Variants in FER observed in about 807,000 individuals in gnomAD.
The protein encoded by FER is FER tyrosine kinase, also known as tyrosine-protein kinase Fer.
Under a neutral mutation model 111.0 loss-of-function variants are expected in FER, and 63 were observed. The ratio of observed to expected loss-of-function variants is 0.57; its 90% CI spans 0.46 to 0.70. The LOEUF is 0.70. FER is among the 30% of genes least tolerant of loss of function. The pLI, the probability that FER is intolerant of heterozygous loss-of-function variation, is 0.00. For synonymous variants in FER, 327 were observed against 313.9 expected, an observed-to-expected ratio of 1.04 and a Z score of -0.44; for missense variants, 914 against 954.0, an observed-to-expected ratio of 0.96 and a Z score of 0.55.
intron 13 of FER, among the ~76,000 whole-genome samples, chr5:109,015,878 A>G (rs1294648921): frequency 6.6e-6 from 1 of 151,852 alleles, no homozygotes; most frequent in Non-Finnish European, 1.5e-5. Flanking sequence ...ATTCCCCTCC[A>G]TACTCCGAAG....
chr5:108,976,940 G>A (rs1761430134), intron 13 of FER, among the ~76,000 whole-genome samples: 1 of 152,076 alleles, frequency 6.6e-6, no homozygotes, highest in African/African-American at 2.4e-5. Context: ...CTTTATGTGG[G>A]TCCCATGGTG....
At chr5:108,895,058 A>G (rs978326906) in intron 9 of FER, among the ~76,000 whole-genome samples, 13 of 152,140 alleles carry the variant, frequency 8.5e-5, no homozygotes, top group Admixed American at 6.6e-5. Context: ...TAAAAATTAT[A>G]CAAATGTTTT....
At chr5:108,863,994 C>T (rs1339474963) in intron 5 of FER, among the ~76,000 whole-genome samples, 2 of 152,082 alleles carry the variant, frequency 1.3e-5, no homozygotes, top group East Asian at 3.9e-4. Context: ...ACATGTTTCT[C>T]TTCAGCAGTG....
At position 108,855,514 on chromosome 5, in the gene FER, G is replaced by C. The variant is rs557071095; in HGVS notation, c.482-12253G>C. ...TGGGCGCCTGTAGTCCCAGCTACTC[G>C]GGAGGCTGAGGCAGGAGAATGGCGT... is the stretch of plus-strand genomic sequence containing the variant. On this transcript the variant is annotated intron_variant, in intron 5 of 19. Coordinates refer to ENST00000281092, the MANE Select transcript of FER (RefSeq NM_005246.4). Among the ~76,000 whole-genome samples, 925 of 151,498 alleles carry C rather than the reference G, an allele frequency of 6.1e-3. 15 individuals are homozygous for C. The highest frequency in any genetic ancestry group is 0.022 in the African/African-American group (891 of 41,284).
intron 17 of FER, among the ~76,000 whole-genome samples, chr5:109,157,556 A>G (rs373839985): frequency 4.0e-5 from 6 of 151,890 alleles, no homozygotes; most frequent in African/African-American, 1.2e-4. Context: ...ACTGTTCCCT[A>G]ATGAGTCTGC....
intron 10 of FER, among the ~76,000 whole-genome samples, chr5:108,899,963 G>A (rs1749771227): frequency 6.6e-6 from 1 of 152,160 alleles, no homozygotes; most frequent in African/African-American, 2.4e-5. Flanking sequence ...CTGCTCTCGT[G>A]TCCATTAATT....
rs1385366208 is a variant in FER, at chr5:108,826,704, T to C, written c.208-6066T>C. Reference sequence around the variant, plus strand: ...ATTCTTCTATAAATGTTTTGTAGAATTCACTAATGAATCAAACAAAGGTCT... The same window carrying C: ...ATTCTTCTATAAATGTTTTGTAGAACTCACTAATGAATCAAACAAAGGTCT... On this transcript the variant is annotated intron_variant, in intron 3 of 19. Transcript: ENST00000281092. 2.0e-5 allele frequency among the ~76,000 whole-genome samples: 3 copies of C among 152,242 alleles called. No individual in the cohort carries two copies. The East Asian group carries it at 5.8e-4, about 29-fold the overall frequency.
chr5:108,813,233 TG>T (rs1340069977), intron 3 of FER, among the ~76,000 whole-genome samples: 1 of 152,194 alleles, frequency 6.6e-6, no homozygotes. Flanking sequence ...AAGATGTTGC[TG>T]TATTATCATC....
chr5:108,967,305 G>C (rs527518701), intron 13 of FER, among the ~76,000 whole-genome samples: 3 of 152,298 alleles, frequency 2.0e-5, no homozygotes, highest in East Asian at 3.9e-4. Context: ...GAGGGGACAT[G>C]AGAGTGGTCA....
At chr5:109,161,224 A>G (rs568341192) in intron 17 of FER, among the ~76,000 whole-genome samples, 11 of 152,236 alleles carry the variant, frequency 7.2e-5, no homozygotes, top group South Asian at 2.1e-4. Flanking sequence ...TCTGTAAGTA[A>G]TATTTGTAGA....
At chr5:109,118,457 C>G (rs1233161725) in intron 17 of FER, among the ~76,000 whole-genome samples, 1 of 152,036 alleles carries the variant, frequency 6.6e-6, no homozygotes, top group Non-Finnish European at 1.5e-5. Flanking sequence ...GGATATTGGT[C>G]TAAAATTCTC....
At chr5:109,000,652 T>A (rs1234293865) in intron 13 of FER, among the ~76,000 whole-genome samples, 3 of 151,456 alleles carry the variant, frequency 2.0e-5, no homozygotes, top group Non-Finnish European at 2.9e-5. Flanking sequence ...ATAACTAAGA[T>A]CAGAGCAGAA....
At chr5:109,115,525 G>A (rs1210152244) in intron 17 of FER, among the ~76,000 whole-genome samples, 2 of 152,030 alleles carry the variant, frequency 1.3e-5, no homozygotes, top group Admixed American at 6.6e-5. Context: ...TTTTATGTTC[G>A]TTTATAATAA....
intron 13 of FER, among the ~76,000 whole-genome samples, chr5:109,032,108 C>T (rs1005657712): frequency 3.9e-5 from 6 of 152,122 alleles, no homozygotes; most frequent in Non-Finnish European, 7.3e-5. Flanking sequence ...TCTCTACCAG[C>T]GTAGTTAATA....
At chr5:108,929,983 T>C (rs1382330344) in intron 10 of FER, among the ~76,000 whole-genome samples, 1 of 152,188 alleles carries the variant, frequency 6.6e-6, no homozygotes, top group African/African-American at 2.4e-5. Context: ...TAAGTTATTG[T>C]TTTAAAAATT....
intron 17 of FER, among the ~76,000 whole-genome samples, chr5:109,168,820 T>G (rs1756809829): frequency 6.6e-6 from 1 of 152,246 alleles, no homozygotes; most frequent in Non-Finnish European, 1.5e-5. Flanking sequence ...TGTACACTGT[T>G]GCTGAATGCT....
At chr5:108,833,828 C>T (rs964878276) in intron 4 of FER, among the ~76,000 whole-genome samples, 9 of 150,610 alleles carry the variant, frequency 6.0e-5, no homozygotes, top group South Asian at 2.1e-4. Flanking sequence ...GAGCGGAGAT[C>T]GCACCACTGC....
At chr5:108,966,618 C>A (rs1049634372) in intron 13 of FER, among the ~76,000 whole-genome samples, 3 of 151,918 alleles carry the variant, frequency 2.0e-5, no homozygotes, top group African/African-American at 7.3e-5. Context: ...GAACTCGTGA[C>A]CTCATGATCC....
intron 17 of FER, among the ~76,000 whole-genome samples, chr5:109,145,295 C>T (rs908467103): frequency 6.6e-6 from 1 of 151,938 alleles, no homozygotes; most frequent in Non-Finnish European, 1.5e-5. Flanking sequence ...TGACTCTATT[C>T]CCAAAGAAAA....
Sources: allele counts gnomAD v4.1 joint callset (sites outside exome capture counted in the v4.1 genomes callset), GRCh38; gene constraint gnomAD v4.1.1; transcripts MANE v1.5; gene names NCBI Gene and HGNC (gene_info 2026-07-23, HGNC 2026-07-21).